The following L3MBTL4 variants were observed in gnomAD, a reference collection of about 807,000 sequenced individuals.
L3MBTL4 encodes lethal(3)malignant brain tumor-like protein 4.
Under a neutral mutation model 84.5 loss-of-function variants are expected in L3MBTL4, and 70 were observed. That is an observed-to-expected ratio of 0.83 (90% CI 0.68 to 1.01). L3MBTL4 has a LOEUF of 1.01. L3MBTL4 is among the 50% of genes least tolerant of loss of function. The pLI, the probability that L3MBTL4 is intolerant of heterozygous loss-of-function variation, is 0.00. For synonymous variants in L3MBTL4, 274 were observed against 259.8 expected (o/e 1.05, Z -0.52); for missense variants, 715 against 754.8 (o/e 0.95, Z 0.62).
chr18:6,222,949 T>TTATATAATATAATATAATATAA (rs1555694507), intron 10 of L3MBTL4, among the ~76,000 whole-genome samples: 19 of 145,640 alleles, frequency 1.3e-4, no homozygotes, highest in African/African-American at 4.7e-4. Context: ...AATTTTTCTA[T>TTATATAATATAATATAATATAA]TATAATATAA....
chr18:6,039,349 C>T (rs1349307596), intron 16 of L3MBTL4, among the ~76,000 whole-genome samples: 1 of 152,084 alleles, frequency 6.6e-6, no homozygotes, highest in Non-Finnish European at 1.5e-5. Context: ...AAAGAAAATA[C>T]GCTGCTCCAC....
At chr18:6,155,147 G>A (rs1033852935) in intron 13 of L3MBTL4, among the ~76,000 whole-genome samples, 7 of 152,156 alleles carry the variant, frequency 4.6e-5, no homozygotes, top group Non-Finnish European at 7.3e-5. Flanking sequence ...TTGGAGAAGA[G>A]GTTTGGTAAT....
At chr18:6,182,981 A>C (rs2044548018) in intron 12 of L3MBTL4, among the ~76,000 whole-genome samples, 1 of 152,226 alleles carries the variant, frequency 6.6e-6, no homozygotes, top group Admixed American at 6.5e-5. Flanking sequence ...AGGACCACTC[A>C]ACTCTAAAGG....
chr18:5,964,024 G>T lies in L3MBTL4; in HGVS notation c.1615-3868C>A, dbSNP rs911663296. The stretch of plus-strand genomic sequence containing the variant: ...GTGGGTGGCCTGGGCCTTGGCTTTG[G>T]CTCTGGGCAGTGCCTGGTGGCATGG... On this transcript the variant is annotated intron_variant, in intron 17 of 18. Coordinates refer to ENST00000317931, the MANE Select transcript of L3MBTL4 (RefSeq NM_001330559.2). Among the ~76,000 whole-genome samples the T allele has an allele frequency of 5.9e-5, 9 of 152,342 alleles. No homozygotes were observed. In the South Asian group the frequency reaches 8.3e-4, roughly 14 times the overall value.
At chr18:6,008,893 C>A (rs1456736135) in intron 16 of L3MBTL4, among the ~76,000 whole-genome samples, 3 of 152,168 alleles carry the variant, frequency 2.0e-5, no homozygotes, top group Admixed American at 6.5e-5. Flanking sequence ...CCATTTCAGA[C>A]AAATGGAGAG....
chr18:6,070,643 C>T (rs889664047), intron 16 of L3MBTL4, among the ~76,000 whole-genome samples: 3 of 151,578 alleles, frequency 2.0e-5, no homozygotes, highest in Non-Finnish European at 2.9e-5. Context: ...ATAGTGAGAT[C>T]CCATCTTTAC....
chr18:6,325,267 A>G (rs1310664074), intron 1 of L3MBTL4, among the ~76,000 whole-genome samples: 1 of 152,228 alleles, frequency 6.6e-6, no homozygotes, highest in East Asian at 1.9e-4. Context: ...ACATTACACA[A>G]TGAAAATAAA....
chr18:6,179,657 G>T (rs763376305), intron 12 of L3MBTL4, among the ~76,000 whole-genome samples: 5 of 152,182 alleles, frequency 3.3e-5, no homozygotes, highest in Non-Finnish European at 5.9e-5. Context: ...AGGGATAGTT[G>T]TAATGTGTGT....
intron 16 of L3MBTL4, among the ~76,000 whole-genome samples, chr18:6,067,731 T>G (rs561054077): frequency 6.6e-6 from 1 of 152,316 alleles, no homozygotes; most frequent in South Asian, 2.1e-4. Flanking sequence ...TTTTTACCTT[T>G]CTCTAGTATC....
intron 1 of L3MBTL4, among the ~76,000 whole-genome samples, chr18:6,318,087 C>G (rs186520868): frequency 6.6e-6 from 1 of 152,096 alleles, no homozygotes; most frequent in East Asian, 1.9e-4. Context: ...ACCAGCCCTA[C>G]GAGAAAGGTT....
chr18:6,071,416 G>T (rs973893303), intron 16 of L3MBTL4, among the ~76,000 whole-genome samples: 2 of 149,956 alleles, frequency 1.3e-5, no homozygotes, highest in Non-Finnish European at 3.0e-5. Flanking sequence ...AAAGATAGTA[G>T]CCCTAAGTCC....
intron 13 of L3MBTL4, among the ~76,000 whole-genome samples, chr18:6,171,448 T>C (rs2043966365): frequency 6.6e-6 from 1 of 152,208 alleles, no homozygotes; most frequent in Non-Finnish European, 1.5e-5. Context: ...ATTTTAATTT[T>C]CCAAAAGACT....
intron 16 of L3MBTL4, among the ~76,000 whole-genome samples, chr18:5,973,601 A>C (rs1458917689): frequency 2.0e-5 from 3 of 152,218 alleles, no homozygotes; most frequent in African/African-American, 4.8e-5. Context: ...TTGTTAATAA[A>C]TTAAAGAACA....
rs922406579 is a variant in L3MBTL4 at position 6,098,996 on chromosome 18, G to A, written c.1200-5468C>T. On this transcript the variant is annotated intron_variant, in intron 14 of 18. Transcript: ENST00000317931. Reference sequence around the variant, plus strand: ...GGCACTGAGACTTGGCAGAGAAAGGGGCTCAGCGATGGAAATGAGAAGGAA... The same window carrying A: ...GGCACTGAGACTTGGCAGAGAAAGGAGCTCAGCGATGGAAATGAGAAGGAA... Among the ~76,000 whole-genome samples, 2 of 152,132 alleles carry A rather than the reference G, an allele frequency of 1.3e-5. 1 individual carries two copies. The highest frequency in any genetic ancestry group is 1.3e-4 in the Admixed American group (2 of 15,288).
chr18:5,974,970 TG>T (rs1478829465), intron 16 of L3MBTL4, among the ~76,000 whole-genome samples: 19 of 151,848 alleles, frequency 1.3e-4, no homozygotes, highest in Non-Finnish European at 1.8e-4. Context: ...TCTATTGTTT[TG>T]TTTTTTTTTT....
intron 10 of L3MBTL4, among the ~76,000 whole-genome samples, chr18:6,224,852 A>G (rs1046621287): frequency 6.6e-6 from 1 of 152,170 alleles, no homozygotes; most frequent in African/African-American, 2.4e-5. Context: ...ATTCTTAAAC[A>G]TCAAAGTATA....
At chr18:6,126,184 A>G (rs138644861) in intron 14 of L3MBTL4, among the ~76,000 whole-genome samples, 1 of 152,354 alleles carries the variant, frequency 6.6e-6, no homozygotes, top group African/African-American at 2.4e-5. Flanking sequence ...TACTTGGATT[A>G]TGGGACTATA....
intron 1 of L3MBTL4, among the ~76,000 whole-genome samples, chr18:6,350,117 A>G (rs1042512380): frequency 3.9e-5 from 6 of 152,212 alleles, no homozygotes; most frequent in Non-Finnish European, 8.8e-5. Flanking sequence ...TAAAATGAAC[A>G]AAAGACCTAA....
chr18:6,057,720 G>A (rs760154398), intron 16 of L3MBTL4, among the ~76,000 whole-genome samples: 9 of 152,220 alleles, frequency 5.9e-5, no homozygotes, highest in Non-Finnish European at 1.2e-4. Context: ...GGAGAACCAC[G>A]TAAATAATAG....
Sources: allele counts gnomAD v4.1 joint callset (sites outside exome capture counted in the v4.1 genomes callset), GRCh38; gene constraint gnomAD v4.1.1; transcripts MANE v1.5; gene names NCBI Gene and HGNC (gene_info 2026-07-23, HGNC 2026-07-21).